Variants in ZFAT observed in about 807,000 individuals in gnomAD.
The protein encoded by ZFAT is zinc finger protein ZFAT.
A neutral mutation model predicts 117.7 loss-of-function variants in ZFAT; 64 were observed. The observed-to-expected ratio is 0.54, with a 90% CI of 0.44 to 0.67. The LOEUF (loss-of-function observed/expected upper bound fraction) is 0.67. ZFAT is among the 30% of genes least tolerant of loss of function. The pLI, the probability that ZFAT is intolerant of heterozygous loss-of-function variation, is 0.00. For missense variants in ZFAT, 1,433 were observed against 1,584.5 expected (o/e 0.90, Z 1.62); for synonymous variants, 679 against 615.0 (o/e 1.10, Z -1.54).
intron 1 of ZFAT, among the ~76,000 whole-genome samples, chr8:134,680,030 A>C (rs199811427): frequency 6.6e-6 from 1 of 151,988 alleles, no homozygotes; most frequent in Non-Finnish European, 1.5e-5. Flanking sequence ...ACCATGGTAC[A>C]TGTATACCTA....
At chr8:134,514,746 G>C (rs1343807201) in intron 13 of ZFAT, among the ~76,000 whole-genome samples, 6 of 152,188 alleles carry the variant, frequency 3.9e-5, no homozygotes, top group African/African-American at 1.4e-4. Context: ...AGAGCAGAGA[G>C]ACGGGTCTAA....
At chr8:134,825,926 C>A in the ZFAT span, among the ~76,000 whole-genome samples, 1 of 151,324 alleles carries the variant, frequency 6.6e-6, no homozygotes, top group African/African-American at 2.4e-5. Flanking sequence ...GAGGCTGAGG[C>A]AGGAGAATGG....
At chr8:134,792,887 C>T in the ZFAT span, 1 of 152,106 alleles carries the variant, frequency 6.6e-6, no homozygotes, top group Non-Finnish European at 1.5e-5. Flanking sequence ...ATTTAGTGGA[C>T]AGTTTTCTCC....
the ZFAT span, chr8:134,794,856 T>C: frequency 2.0e-5 from 3 of 152,268 alleles, no homozygotes; most frequent in Non-Finnish European, 4.4e-5. Flanking sequence ...GGAGCTCACA[T>C]GAGCTTGGAA....
chr8:134,734,279 T>C, the ZFAT span, among the ~76,000 whole-genome samples: 1 of 152,252 alleles, frequency 6.6e-6, no homozygotes, highest in East Asian at 1.9e-4. Flanking sequence ...CTTCTGCCAC[T>C]TCCGGCGGCT....
chr8:134,815,750 G>C, the ZFAT span, among the ~76,000 whole-genome samples: 1 of 152,134 alleles, frequency 6.6e-6, no homozygotes, highest in African/African-American at 2.4e-5. Flanking sequence ...CACATGCCTA[G>C]TTTCTCCAAA....
chr8:134,693,475 CT>C (rs1833681244), intron 1 of ZFAT, among the ~76,000 whole-genome samples: 1 of 152,164 alleles, frequency 6.6e-6, no homozygotes, highest in Non-Finnish European at 1.5e-5. Flanking sequence ...ACACAGACAA[CT>C]AGTAAAACAA....
the ZFAT span, among the ~76,000 whole-genome samples, chr8:134,762,892 A>T: frequency 2.0e-5 from 3 of 152,174 alleles, no homozygotes; most frequent in Non-Finnish European, 4.4e-5. Flanking sequence ...CAAGTGGATA[A>T]ATAGATAATG....
intron 3 of ZFAT, among the ~76,000 whole-genome samples, chr8:134,630,434 A>G (rs957378910): frequency 1.8e-4 from 28 of 152,384 alleles, no homozygotes; most frequent in African/African-American, 6.5e-4. Context: ...CTGTTTTGCT[A>G]ACACAAATAC....
intron 2 of ZFAT, among the ~76,000 whole-genome samples, chr8:134,641,400 T>C (rs1830572552): frequency 6.6e-6 from 1 of 152,148 alleles, no homozygotes; most frequent in Non-Finnish European, 1.5e-5. Context: ...CCTCCTTCAC[T>C]ACCAATCAGA....
rs1817051485 is a variant in ZFAT, at chr8:134,478,618, G to T, written c.3596C>A (p.Ser1199Tyr). Reference protein sequence around the residue: ...LAEQHHLVVSSDDVEGIETVT... With the variant: ...LAEQHHLVVSYDDVEGIETVT... ...CGTCTCAATGCCCTCCACGTCGTCGGAGGACACCACCAGGTGGTGCTGCTC... is the reference window on the plus strand; with the variant it reads ...CGTCTCAATGCCCTCCACGTCGTCGTAGGACACCACCAGGTGGTGCTGCTC... Residue 1199 changes from serine to tyrosine, a missense_variant, in exon 16 of 16, where the codon TCC becomes TAC. Coordinates refer to ENST00000377838, the MANE Select transcript of ZFAT (RefSeq NM_020863.4). The surrounding 1 kb of genome is among the most constrained non-coding windows in gnomAD (Gnocchi z 5.2). The T allele has an allele frequency of 2.5e-6, 4 of 1,586,918 alleles. No individual in the cohort carries two copies. Among genetic ancestry groups the T allele is most frequent in the East Asian group, 4.6e-5 (2 of 43,104 alleles).
At chr8:134,573,117 G>C (rs1825048571) in intron 10 of ZFAT, among the ~76,000 whole-genome samples, 1 of 152,162 alleles carries the variant, frequency 6.6e-6, no homozygotes, top group Admixed American at 6.5e-5. Context: ...AATGTTGCAG[G>C]AGGAAGAAAT....
chr8:134,545,570 G>A (rs1482458608), intron 11 of ZFAT, among the ~76,000 whole-genome samples: 1 of 152,208 alleles, frequency 6.6e-6, no homozygotes, highest in Non-Finnish European at 1.5e-5. Flanking sequence ...AAATAAAAAA[G>A]TATTAGGCTG....
chr8:134,789,105 T>C, the ZFAT span, among the ~76,000 whole-genome samples: 2 of 152,208 alleles, frequency 1.3e-5, no homozygotes, highest in Non-Finnish European at 2.9e-5. Flanking sequence ...ATGTCCCTTT[T>C]CTATTCTTGC....
intron 5 of ZFAT, among the ~76,000 whole-genome samples, chr8:134,607,898 A>T (rs1483890800): frequency 6.6e-6 from 1 of 152,228 alleles, no homozygotes; most frequent in Non-Finnish European, 1.5e-5. Context: ...GTGTATCTGG[A>T]GGACAGTTTT....
At chr8:134,626,018 G>A (rs1829473058) in intron 3 of ZFAT, among the ~76,000 whole-genome samples, 1 of 152,214 alleles carries the variant, frequency 6.6e-6, no homozygotes, top group African/African-American at 2.4e-5. Flanking sequence ...AGAGCCAGCA[G>A]CCGCAGGGTG....
At chr8:134,643,290 T>C (rs1430897818) in intron 2 of ZFAT, among the ~76,000 whole-genome samples, 1 of 152,222 alleles carries the variant, frequency 6.6e-6, no homozygotes, top group Non-Finnish European at 1.5e-5. Context: ...TTCATACCCA[T>C]GTCATAGCAA....
At chr8:134,569,617 A>G (rs1162131901) in intron 10 of ZFAT, among the ~76,000 whole-genome samples, 1 of 152,094 alleles carries the variant, frequency 6.6e-6, no homozygotes, top group Non-Finnish European at 1.5e-5. Context: ...CAGAGGCCCC[A>G]TTAGAAAAAT....
chr8:134,767,535 CTATTAAG>C, the ZFAT span, among the ~76,000 whole-genome samples: 1,376 of 152,218 alleles, frequency 9.0e-3, 10 homozygotes, highest in Non-Finnish European at 0.011. Flanking sequence ...TTAGGTGTAC[CTATTAAG>C]TAGCACATAA....
Sources: gnomAD v4.1 joint callset for allele counts (sites outside exome capture counted in the v4.1 genomes callset) on GRCh38, gnomAD v4.1.1 for gene constraint, Gnocchi (gnomAD v3.1) non-coding constraint, MANE v1.5 for transcripts, NCBI Gene and HGNC (gene_info 2026-07-23, HGNC 2026-07-21) for gene names.